Variants in NIM1K observed in about 807,000 individuals in gnomAD.
NIM1K encodes NIM1 serine/threonine protein kinase, also known as serine/threonine-protein kinase NIM1.
In NIM1K, 35 loss-of-function variants were observed where a neutral mutation model predicts 37.1. The observed-to-expected ratio is 0.94, with a 90% confidence interval of 0.72 to 1.25. The LOEUF is 1.25. Ranked by LOEUF, NIM1K falls within the 50% of genes most tolerant of loss-of-function variation. The probability of loss-of-function intolerance (pLI) is 0.00; values close to 1 mark genes in which losing one functional copy is unlikely to be tolerated. For synonymous variants in NIM1K, 234 were observed against 206.6 expected (o/e 1.13, Z -1.14); for missense variants, 564 against 548.0 (o/e 1.03, Z -0.29).
intron 2 of NIM1K, among the ~76,000 whole-genome samples, chr5:43,255,445 G>A (rs763635544): frequency 1.1e-4 from 16 of 152,102 alleles, no homozygotes; most frequent in African/African-American, 3.6e-4. Flanking sequence ...ATTATGTAGC[G>A]ATAAGTGATA....
intron 2 of NIM1K, among the ~76,000 whole-genome samples, chr5:43,269,318 A>AAAAAAC (rs1753219244): frequency 7.1e-6 from 1 of 140,410 alleles, no homozygotes; most frequent in Non-Finnish European, 1.5e-5. Flanking sequence ...CAAAAAAAAA[A>AAAAAAC]AGAAAAAAAA....
chr5:43,232,614 G>T, intron 1 of NIM1K: 1 of 1,561,644 alleles, frequency 6.4e-7, no homozygotes, highest in Non-Finnish European at 8.7e-7. Flanking sequence ...TGAGGATGGA[G>T]TTGTAGGGCT....
intron 1 of NIM1K, chr5:43,206,660 C>G: frequency 1.5e-6 from 1 of 686,540 alleles, no homozygotes; most frequent in Non-Finnish European, 2.7e-6. Context: ...ACTCGGCCCC[C>G]CAGTCTCCCA....
intron 2 of NIM1K, among the ~76,000 whole-genome samples, chr5:43,270,110 A>C (rs1174256628): frequency 1.3e-5 from 2 of 152,162 alleles, no homozygotes; most frequent in Admixed American, 6.5e-5. Context: ...TCATTTATGA[A>C]ACTTAGTTTT....
At chr5:43,274,958 A>C (rs12187646) in intron 2 of NIM1K, among the ~76,000 whole-genome samples, 8 of 152,218 alleles carry the variant, frequency 5.3e-5, no homozygotes, top group Admixed American at 2.6e-4. Flanking sequence ...TCTAATTCAA[A>C]GTCTGGTACA....
chr5:43,199,204 A>ATAT (rs1554012805), intron 1 of NIM1K, among the ~76,000 whole-genome samples: 28 of 94,056 alleles, frequency 3.0e-4, no homozygotes, highest in African/African-American at 1.0e-3. Context: ...AAAAAAAAAA[A>ATAT]ATATATATAT....
At chr5:43,268,347 C>A (rs7730565) in intron 2 of NIM1K, among the ~76,000 whole-genome samples, 2,184 of 152,260 alleles carry the variant, frequency 0.014, 61 homozygotes, top group African/African-American at 0.051. Flanking sequence ...TCAATCTCAT[C>A]AAAGGCTTGT....
chr5:43,280,074 C>G lies in NIM1K; in HGVS notation c.656C>G (p.Thr219Arg). ...CVKVGDFGFS[T>R]VSKKGEMLNT... is the part of the protein sequence containing the mutation. ...AAGGTGGGCGATTTTGGATTCAGCA[C>G]AGTAAGCAAAAAAGGTGAAATGCTG... The change falls in exon 4 of 4, where the codon ACA becomes AGA. Residue 219 changes from threonine (T) to arginine (R), a missense_variant. By Grantham distance (71) the Thr-to-Arg change is moderately conservative. Coordinates refer to ENST00000326035, the MANE Select transcript of NIM1K (RefSeq NM_153361.4). 6.2e-7 allele frequency: 1 copy of G among 1,614,140 alleles called. No individual in the cohort carries two copies. Among genetic ancestry groups the G allele is most frequent in the Non-Finnish European group, 8.5e-7 (1 of 1,180,014 alleles).
At chr5:43,222,301 A>C (rs953516344) in intron 1 of NIM1K, among the ~76,000 whole-genome samples, 1 of 152,166 alleles carries the variant, frequency 6.6e-6, no homozygotes, top group Non-Finnish European at 1.5e-5. Context: ...ATAATAATCA[A>C]ATTGGTGGGT....
chr5:43,227,075 G>C (rs1056639823), intron 1 of NIM1K, among the ~76,000 whole-genome samples: 3 of 152,046 alleles, frequency 2.0e-5, no homozygotes, highest in African/African-American at 7.2e-5. Flanking sequence ...TAAAAGAATT[G>C]GTTCACCGGG....
chr5:43,267,577 G>A (rs1753184426), intron 2 of NIM1K, among the ~76,000 whole-genome samples: 1 of 152,144 alleles, frequency 6.6e-6, no homozygotes, highest in African/African-American at 2.4e-5. Context: ...ACTTTTTGAT[G>A]TAGGCATTTA....
chr5:43,253,830 T>C (rs1752903525), intron 2 of NIM1K, among the ~76,000 whole-genome samples: 1 of 152,064 alleles, frequency 6.6e-6, no homozygotes, highest in Non-Finnish European at 1.5e-5. Flanking sequence ...CGGCAATTTT[T>C]TTTTGTATCT....
intron 3 of NIM1K, 139 bp downstream of exon 3, chr5:43,277,464 A>G: frequency 1.1e-6 from 1 of 900,230 alleles, no homozygotes; most frequent in Non-Finnish European, 1.7e-6. Flanking sequence ...GAGAGTCAGA[A>G]GTCTGGCTGG....
At chr5:43,274,983 A>T (rs973545002) in intron 2 of NIM1K, among the ~76,000 whole-genome samples, 3 of 152,354 alleles carry the variant, frequency 2.0e-5, no homozygotes, top group African/African-American at 7.2e-5. Flanking sequence ...GAACCAAAAC[A>T]AAAAAGGAAT....
intron 1 of NIM1K, among the ~76,000 whole-genome samples, chr5:43,212,934 C>G (rs1752224335): frequency 6.6e-6 from 1 of 152,198 alleles, no homozygotes; most frequent in Non-Finnish European, 1.5e-5. Context: ...ATAGCTTCAG[C>G]TTCCCCTCTG....
At chr5:43,220,566 C>T (rs1752367013) in intron 1 of NIM1K, among the ~76,000 whole-genome samples, 1 of 152,184 alleles carries the variant, frequency 6.6e-6, no homozygotes, top group Admixed American at 6.5e-5. Context: ...CAGGCGTGAG[C>T]TACTGCGCCT....
chr5:43,221,784 A>G (rs1328207055), intron 1 of NIM1K, among the ~76,000 whole-genome samples: 1 of 152,338 alleles, frequency 6.6e-6, no homozygotes, highest in Non-Finnish European at 1.5e-5. Context: ...TGATCTATTT[A>G]TGCATTTAGT....
intron 2 of NIM1K, among the ~76,000 whole-genome samples, chr5:43,259,701 A>G (rs1452328887): frequency 6.6e-6 from 1 of 152,146 alleles, no homozygotes; most frequent in Admixed American, 6.5e-5. Flanking sequence ...TGTCAGATAC[A>G]TAGTTTGCAA....
At chr5:43,192,651 C>A (rs1301938295) in intron 1 of NIM1K, among the ~76,000 whole-genome samples, 1 of 152,248 alleles carries the variant, frequency 6.6e-6, no homozygotes, top group Non-Finnish European at 1.5e-5. Context: ...GGCATTAGAG[C>A]CAGGGCGAGA....
Sources: gnomAD v4.1 joint callset for allele counts (sites outside exome capture counted in the v4.1 genomes callset) on GRCh38, gnomAD v4.1.1 for gene constraint, MANE v1.5 for transcripts, NCBI Gene and HGNC (gene_info 2026-07-23, HGNC 2026-07-21) for gene names.